Variants in MCF2L2 observed in about 807,000 individuals in gnomAD.
MCF2L2 encodes probable guanine nucleotide exchange factor MCF2L2.
A neutral mutation model predicts 150.2 loss-of-function variants in MCF2L2; 102 were observed. The ratio of observed to expected loss-of-function variants is 0.68; its 90% CI spans 0.58 to 0.80. The LOEUF (loss-of-function observed/expected upper bound fraction) is 0.80. Ranked by LOEUF, MCF2L2 falls within the 30% of genes least tolerant of loss-of-function variation. The pLI is 0.00. For missense variants in MCF2L2, 1,256 were observed against 1,372.8 expected, an observed-to-expected ratio of 0.91 and a Z score of 1.34; for synonymous variants, 465 against 491.3, an observed-to-expected ratio of 0.95 and a Z score of 0.71.
chr3:183,427,412 G>T (rs1200785979), intron 1 of MCF2L2, among the ~76,000 whole-genome samples: 1 of 152,206 alleles, frequency 6.6e-6, no homozygotes, highest in African/African-American at 2.4e-5. Context: ...CAGTAAAACA[G>T]GCCTAGCGGC....
chr3:183,392,844 G>C (rs916777024), intron 1 of MCF2L2, among the ~76,000 whole-genome samples: 10 of 152,184 alleles, frequency 6.6e-5, no homozygotes. Flanking sequence ...GGCAGGCCCT[G>C]CCTCCCACTC....
chr3:183,217,130 C>T (rs1722972043), intron 21 of MCF2L2, among the ~76,000 whole-genome samples: 1 of 150,686 alleles, frequency 6.6e-6, no homozygotes, highest in Non-Finnish European at 1.5e-5. Flanking sequence ...CCCGTCTCTA[C>T]TAAAAATACA....
intron 14 of MCF2L2, among the ~76,000 whole-genome samples, chr3:183,280,018 T>G (rs1727382901): frequency 1.3e-5 from 2 of 150,836 alleles, no homozygotes; most frequent in Admixed American, 1.3e-4. Flanking sequence ...CAGAGCAAGA[T>G]TCCGTCTCCA....
chr3:183,294,959 CA>C (rs1332498543), intron 13 of MCF2L2, among the ~76,000 whole-genome samples: 3 of 151,824 alleles, frequency 2.0e-5, no homozygotes, highest in African/African-American at 4.8e-5. Flanking sequence ...AGATGGGTTT[CA>C]ACATGTTGGC....
At chr3:183,331,674 T>C (rs1730277332) in intron 5 of MCF2L2, among the ~76,000 whole-genome samples, 3 of 152,184 alleles carry the variant, frequency 2.0e-5, no homozygotes, top group Admixed American at 2.0e-4. Context: ...AACAGTTTTA[T>C]GAGGCTGCTA....
chr3:183,329,089 A>G (rs1429822381), intron 5 of MCF2L2, among the ~76,000 whole-genome samples: 1 of 152,234 alleles, frequency 6.6e-6, no homozygotes, highest in Non-Finnish European at 1.5e-5. Context: ...GGGAATGCAA[A>G]ATGATAGAGC....
At chr3:183,349,550 G>A (rs1309083362) in intron 3 of MCF2L2, among the ~76,000 whole-genome samples, 1 of 152,222 alleles carries the variant, frequency 6.6e-6, no homozygotes, top group Non-Finnish European at 1.5e-5. Flanking sequence ...GCAAAAACGT[G>A]TGAACGTCAA....
chr3:183,326,308 A>G (rs1336595786), intron 5 of MCF2L2, among the ~76,000 whole-genome samples: 1 of 152,082 alleles, frequency 6.6e-6, no homozygotes, highest in Non-Finnish European at 1.5e-5. Context: ...CCTGGCCAAC[A>G]TGGGGAAACC....
At chr3:183,410,151 TCCC>T (rs1715249335) in intron 1 of MCF2L2, among the ~76,000 whole-genome samples, 4 of 152,136 alleles carry the variant, frequency 2.6e-5, no homozygotes, top group Non-Finnish European at 5.9e-5. Context: ...TAAATAGCTT[TCCC>T]CTCTCCATCT....
At chr3:183,256,297 A>T (rs538437241) in intron 15 of MCF2L2, among the ~76,000 whole-genome samples, 3 of 152,218 alleles carry the variant, frequency 2.0e-5, no homozygotes, top group Admixed American at 6.5e-5. Flanking sequence ...TCTGTGAGCG[A>T]AGATGTAACC....
chr3:183,331,540 A>G (rs1449818694), intron 5 of MCF2L2, among the ~76,000 whole-genome samples: 1 of 152,262 alleles, frequency 6.6e-6, no homozygotes, highest in Non-Finnish European at 1.5e-5. Flanking sequence ...AAAGAAATAC[A>G]TGGTCTTTTA....
intron 1 of MCF2L2, among the ~76,000 whole-genome samples, chr3:183,406,739 T>C (rs1221932927): frequency 6.6e-6 from 1 of 152,188 alleles, no homozygotes; most frequent in Non-Finnish European, 1.5e-5. Flanking sequence ...TCCACCCACC[T>C]TGGCCTCCCA....
At chr3:183,306,965 T>C (rs1729128992) in intron 10 of MCF2L2, among the ~76,000 whole-genome samples, 1 of 152,358 alleles carries the variant, frequency 6.6e-6, no homozygotes, top group African/African-American at 2.4e-5. Context: ...TCTGCTTTTA[T>C]AGAAGACCTT....
chr3:183,296,950 G>A (rs752954882), intron 12 of MCF2L2, 26 bp downstream of exon 12: 3 of 1,602,654 alleles, frequency 1.9e-6, no homozygotes, highest in Non-Finnish European at 2.6e-6. Flanking sequence ...CCCAACCACA[G>A]GATCAAAATA....
intron 2 of MCF2L2, among the ~76,000 whole-genome samples, chr3:183,383,404 T>C (rs927123310): frequency 2.6e-5 from 4 of 152,052 alleles, no homozygotes; most frequent in African/African-American, 7.2e-5. Flanking sequence ...CCGGCTAATT[T>C]TGTATTTTTA....
chr3:183,277,412 A>G (rs1157650000), intron 14 of MCF2L2, among the ~76,000 whole-genome samples: 1 of 150,584 alleles, frequency 6.6e-6, no homozygotes, highest in East Asian at 2.0e-4. Context: ...CCCCACCCCT[A>G]TTGATTCATA....
rs148678070 is a variant in MCF2L2, at chr3:183,417,975, G to A, written c.76+9927C>T. 8.0e-3 allele frequency among the ~76,000 whole-genome samples: 1,222 copies of A among 152,244 alleles called. 50 individuals carry two copies. Among genetic ancestry groups the A allele is most frequent in the Admixed American group, 0.062 (945 of 15,284 alleles). ...GGCTGAGATGGGCAGATCACCTGAG[G>A]TCAGGAGTTCGAGACCAGCCTGGCC... On this transcript the variant is annotated intron_variant, in intron 1 of 29. Transcript: ENST00000328913.
Position 183,320,950 on chromosome 3 carries a change from A to G in MCF2L2, c.603+2285T>C, listed in dbSNP as rs142769558. Among the ~76,000 whole-genome samples the G allele has an allele frequency of 1.3e-3, 191 of 152,316 alleles. 1 individual carries two copies. The East Asian group carries it at 0.025, about 20-fold the overall frequency. ...AAGGTAATTAATTGGCCTAATTTCAATATTGTTCTGTCTTAGAGAGTAGGG... is the reference window on the plus strand; with the variant it reads ...AAGGTAATTAATTGGCCTAATTTCAGTATTGTTCTGTCTTAGAGAGTAGGG... On this transcript the variant is annotated intron_variant, in intron 6 of 29. Transcript: ENST00000328913.
chr3:183,256,295 C>T (rs1477771858), intron 15 of MCF2L2, among the ~76,000 whole-genome samples: 2 of 152,012 alleles, frequency 1.3e-5, no homozygotes, highest in Non-Finnish European at 2.9e-5. Flanking sequence ...TCTCTGTGAG[C>T]GAAGATGTAA....
Sources: gnomAD v4.1 joint callset for allele counts (sites outside exome capture counted in the v4.1 genomes callset) on GRCh38, gnomAD v4.1.1 for gene constraint, MANE v1.5 for transcripts, NCBI Gene and HGNC (gene_info 2026-07-23, HGNC 2026-07-21) for gene names.